Variants in UNC13C observed in about 807,000 individuals in gnomAD.
UNC13C encodes protein unc-13 homolog C.
UNC13C carries 174 observed loss-of-function variants against 245.4 expected under a neutral mutation model. The ratio of observed to expected loss-of-function variants is 0.71; its 90% CI spans 0.63 to 0.80. UNC13C has a LOEUF of 0.80. Ranked by LOEUF, UNC13C falls within the 30% of genes least tolerant of loss-of-function variation. UNC13C has a pLI of 0.00. For missense variants in UNC13C, 2,829 were observed against 2,602.9 expected, an observed-to-expected ratio of 1.09 and a Z score of -1.89; for synonymous variants, 992 against 895.1, an observed-to-expected ratio of 1.11 and a Z score of -1.93.
intron 1 of UNC13C, among the ~76,000 whole-genome samples, 163 bp from the exon 2 acceptor site, chr15:54,012,485 G>A (rs543284000): frequency 4.6e-5 from 7 of 152,298 alleles, no homozygotes; most frequent in African/African-American, 1.7e-4. Context: ...TTTGCTTTCA[G>A]TAGTTATTTT....
chr15:54,511,094 G>T (rs1300560938), intron 23 of UNC13C, among the ~76,000 whole-genome samples: 1 of 152,112 alleles, frequency 6.6e-6, no homozygotes, highest in Non-Finnish European at 1.5e-5. Context: ...CATGTACAAT[G>T]TATTTAACGT....
At chr15:54,591,744 T>G (rs2553216) in intron 30 of UNC13C, among the ~76,000 whole-genome samples, 118,545 of 152,032 alleles carry the variant, frequency 0.78, 47,055 homozygotes, top group African/African-American at 0.95. Flanking sequence ...CCAGCTTTTT[T>G]TTTCATTTAT....
At chr15:54,260,104 G>A (rs11638873) in intron 8 of UNC13C, among the ~76,000 whole-genome samples, 22,814 of 152,054 alleles carry the variant, frequency 0.15, 1,827 homozygotes, top group African/African-American at 0.19. Context: ...CAAACAGTGT[G>A]TGAGACACTT....
chr15:54,147,992 G>A (rs762094963), intron 4 of UNC13C, among the ~76,000 whole-genome samples: 1 of 152,090 alleles, frequency 6.6e-6, no homozygotes, highest in Non-Finnish European at 1.5e-5. Context: ...TAAGTTCCTT[G>A]AGCCGATGTG....
chr15:53,991,594 A>G (rs963295286), intron 1 of UNC13C, among the ~76,000 whole-genome samples: 1 of 151,846 alleles, frequency 6.6e-6, no homozygotes, highest in Admixed American at 6.6e-5. Context: ...CTAATCATCC[A>G]TTATTTCTTT....
At chr15:54,076,371 T>G (rs1898625336) in intron 2 of UNC13C, among the ~76,000 whole-genome samples, 1 of 150,944 alleles carries the variant, frequency 6.6e-6, no homozygotes, top group Non-Finnish European at 1.5e-5. Context: ...TGGTTTTTTG[T>G]TCTTGCGATA....
intron 26 of UNC13C, among the ~76,000 whole-genome samples, chr15:54,538,153 A>AAAAAAAAAAAAAAC (rs1566895661): frequency 2.8e-5 from 4 of 145,340 alleles, no homozygotes; most frequent in African/African-American, 1.0e-4. Context: ...AAAAAAAAAA[A>AAAAAAAAAAAAAAC]AAAAAAAAAA....
chr15:54,202,134 G>C, intron 4 of UNC13C, among the ~76,000 whole-genome samples: 1 of 151,790 alleles, frequency 6.6e-6, no homozygotes, highest in Non-Finnish European at 1.5e-5. Context: ...ACCTCTGCAA[G>C]AAAAACTACA....
intron 2 of UNC13C, among the ~76,000 whole-genome samples, 158 bp downstream of exon 2, chr15:54,016,044 C>T (rs1026724926): frequency 1.3e-5 from 2 of 152,178 alleles, no homozygotes; most frequent in Admixed American, 1.3e-4. Context: ...TCAGGCAGCT[C>T]TCCTAAGAAG....
intron 4 of UNC13C, among the ~76,000 whole-genome samples, chr15:54,227,660 G>T (rs1421128300): frequency 6.6e-6 from 1 of 152,210 alleles, no homozygotes; most frequent in Non-Finnish European, 1.5e-5. Flanking sequence ...GCCCCAGGGA[G>T]TGAGATCAGG....
rs59965194 is a variant in UNC13C, at chr15:54,089,660, CTTT to C, written c.2984-53343_2984-53341del. Among the ~76,000 whole-genome samples the C allele has an allele frequency of 1.3e-3, 186 of 140,456 alleles. 8 individuals carry two copies. In the South Asian group the frequency reaches 0.032, roughly 24 times the overall value. The allele number at this position is 140,456 out of a possible 152,430, so 92.1% of individuals were successfully genotyped here. The stretch of plus-strand genomic sequence containing the variant: ...CACTTATGGTTATTGCTTCCAATAT[CTTT>C]TTTTTTTTTTTTTTCCCACAACATG... On this transcript the variant is annotated intron_variant, in intron 2 of 32. Coordinates refer to ENST00000260323, the MANE Select transcript of UNC13C (RefSeq NM_001080534.3).
At chr15:54,502,164 A>G (rs7172056) in intron 22 of UNC13C, among the ~76,000 whole-genome samples, 39,127 of 151,980 alleles carry the variant, frequency 0.26, 5,202 homozygotes, top group African/African-American at 0.3. Flanking sequence ...GTGCTTGCCT[A>G]TATGCCTCAC....
chr15:54,301,568 T>C (rs2037583498), intron 13 of UNC13C, among the ~76,000 whole-genome samples: 1 of 152,162 alleles, frequency 6.6e-6, no homozygotes, highest in Admixed American at 6.5e-5. Context: ...GTTAGTTTGC[T>C]GAGAATGACG....
At chr15:54,580,200 G>T (rs2141237396) in intron 30 of UNC13C, among the ~76,000 whole-genome samples, 1 of 152,328 alleles carries the variant, frequency 6.6e-6, no homozygotes, top group Non-Finnish European at 1.5e-5. Flanking sequence ...ATTGGAAACT[G>T]CAGACTACTG....
chr15:54,239,261 C>T (rs1346612403), intron 7 of UNC13C, among the ~76,000 whole-genome samples: 1 of 152,166 alleles, frequency 6.6e-6, no homozygotes, highest in African/African-American at 2.4e-5. Flanking sequence ...CATCTTTCAT[C>T]CAAATGTCAA....
chr15:53,936,719 G>T, the UNC13C span, among the ~76,000 whole-genome samples: 1 of 152,218 alleles, frequency 6.6e-6, no homozygotes, highest in Non-Finnish European at 1.5e-5. Flanking sequence ...GATAGCTCCA[G>T]ATGTGGGAGG....
At chr15:54,404,184 C>T (rs2040246309) in intron 18 of UNC13C, among the ~76,000 whole-genome samples, 1 of 152,188 alleles carries the variant, frequency 6.6e-6, no homozygotes, top group African/African-American at 2.4e-5. Context: ...CAGGCAGTTA[C>T]AGAGAACCAT....
At chr15:54,075,790 G>A (rs1025165933) in intron 2 of UNC13C, among the ~76,000 whole-genome samples, 1 of 151,814 alleles carries the variant, frequency 6.6e-6, no homozygotes, top group East Asian at 1.9e-4. Context: ...ATATGTGTGT[G>A]CTCATATTTA....
At chr15:54,207,849 AC>A (rs2034763143) in intron 4 of UNC13C, among the ~76,000 whole-genome samples, 1 of 152,144 alleles carries the variant, frequency 6.6e-6, no homozygotes, top group Non-Finnish European at 1.5e-5. Context: ...TGATTTTGGA[AC>A]AAAATACTTA....
Sources: allele counts gnomAD v4.1 joint callset (sites outside exome capture counted in the v4.1 genomes callset), GRCh38; gene constraint gnomAD v4.1.1; transcripts MANE v1.5; gene names NCBI Gene and HGNC (gene_info 2026-07-23, HGNC 2026-07-21).